Variants in SLC17A4 observed in about 807,000 individuals in gnomAD.
SLC17A4 encodes solute carrier family 17 member 4.
In SLC17A4, 33 loss-of-function variants were observed where a neutral mutation model predicts 52.5. That is an observed-to-expected ratio of 0.63 (90% confidence interval 0.48 to 0.84). The LOEUF is 0.84. Ranked by LOEUF, SLC17A4 falls within the 40% of genes least tolerant of loss-of-function variation. SLC17A4 has a pLI of 0.00. For synonymous variants in SLC17A4, 225 were observed against 216.2 expected (o/e 1.04, Z -0.36); for missense variants, 585 against 597.1 (o/e 0.98, Z 0.21).
In SLC17A4 at chr6:25,773,553, T is replaced by A; in HGVS notation, c.866T>A (p.Ile289Asn). 6.2e-7 allele frequency: 1 copy of A among 1,613,988 alleles called. No individual in the cohort carries two copies. The highest frequency in any genetic ancestry group is 8.5e-7 in the Non-Finnish European group (1 of 1,179,916). ...PGWSLPIRAM[I>N]KSLPLWAILV... is the part of the protein sequence containing the mutation. Reference sequence around the variant, plus strand: ...TGGTCTCTTCCCATTAGGGCTATGATCAAATCCTTACCACTCTGGGCCATT... The same window carrying A: ...TGGTCTCTTCCCATTAGGGCTATGAACAAATCCTTACCACTCTGGGCCATT... Residue 289 changes from isoleucine to asparagine, a missense_variant, in exon 8 of 12, where the codon ATC (isoleucine) becomes AAC (asparagine). Ile to Asn is a moderately radical substitution (Grantham distance 149, BLOSUM62 -3). Coordinates refer to ENST00000377905, the MANE Select transcript of SLC17A4 (RefSeq NM_005495.3).
intron 1 of SLC17A4, among the ~76,000 whole-genome samples, chr6:25,757,424 T>C (rs1288412634): frequency 6.6e-6 from 1 of 152,130 alleles, no homozygotes; most frequent in Non-Finnish European, 1.5e-5. Flanking sequence ...CTCTGATCAT[T>C]GTCAGTAGTA....
intron 2 of SLC17A4, among the ~76,000 whole-genome samples, chr6:25,764,367 C>T (rs1761823694): frequency 6.6e-6 from 1 of 152,142 alleles, no homozygotes; most frequent in African/African-American, 2.4e-5. Flanking sequence ...ATATACTGCC[C>T]CCCACCATGG....
chr6:25,778,197 G>A (rs759903993), intron 11 of SLC17A4, among the ~76,000 whole-genome samples, 181 bp downstream of exon 11: 2 of 151,744 alleles, frequency 1.3e-5, no homozygotes, highest in East Asian at 1.9e-4. Flanking sequence ...GAATCTTACT[G>A]GTATAAACTT....
intron 2 of SLC17A4, 98 bp from the exon 3 acceptor site, chr6:25,768,887 G>T: frequency 1.8e-6 from 2 of 1,108,586 alleles, no homozygotes; most frequent in Non-Finnish European, 1.3e-6. Flanking sequence ...CTATATTTCT[G>T]CATCTCAGAC....
intron 2 of SLC17A4, among the ~76,000 whole-genome samples, chr6:25,768,738 C>T (rs999178511): frequency 9.2e-5 from 14 of 152,256 alleles, no homozygotes; most frequent in Admixed American, 2.6e-4. Flanking sequence ...GCCTAAAAAG[C>T]TCTCCCCTAA....
In SLC17A4 at chr6:25,769,145, C is replaced by T; in HGVS notation, c.252C>T (p.Asp84=). ...CTTCCACAGAACGGCCCTCCACTGA[C>T]TCCCAGGGCTACTGGAATGAAACTC... ...PNASTERPST[D]SQGYWNETLK... is the part of the protein sequence containing the mutation. Residue 84 remains aspartate, a synonymous_variant, in exon 3 of 12, where the codon GAC becomes GAT. Transcript: ENST00000377905. 1 of 1,614,072 alleles carries T rather than the reference C, an allele frequency of 6.2e-7. No individual in the cohort carries two copies. Among genetic ancestry groups the T allele is most frequent in the South Asian group, 1.1e-5 (1 of 91,078 alleles).
At chr6:25,766,814 C>A (rs1320577095) in intron 2 of SLC17A4, among the ~76,000 whole-genome samples, 1 of 152,118 alleles carries the variant, frequency 6.6e-6, no homozygotes, top group Non-Finnish European at 1.5e-5. Flanking sequence ...ATTTAGAATA[C>A]ATTTTAGAAA....
At chr6:25,769,919 T>G in intron 3 of SLC17A4, 148 bp from the exon 4 acceptor site, 1 of 702,088 alleles carries the variant, frequency 1.4e-6, no homozygotes, top group Non-Finnish European at 2.4e-6. Context: ...ATTTAGGGTT[T>G]TTAAATACAT....
chr6:25,775,602 A>AT (rs1309934700), intron 8 of SLC17A4, among the ~76,000 whole-genome samples: 1 of 151,700 alleles, frequency 6.6e-6, no homozygotes, highest in Non-Finnish European at 1.5e-5. Context: ...TGCCTGGCTA[A>AT]TTTTTTGTGG....
At position 25,761,910 on chromosome 6, in the gene SLC17A4, T is replaced by C; in HGVS notation, c.-36-17T>C. 1 of 1,438,590 alleles carries C rather than the reference T, an allele frequency of 7.0e-7. No homozygotes were observed. The highest frequency in any genetic ancestry group is 9.7e-7 in the Non-Finnish European group (1 of 1,029,270). The allele number at this position is 1,438,590 out of a possible 1,614,324, so 89.1% of individuals were successfully genotyped here. ...AAGATTCTCCCTGTATTTTCTTTTGTATTCTTTTTATTTCAGTAAGTAAAT... is the reference window on the plus strand; with the variant it reads ...AAGATTCTCCCTGTATTTTCTTTTGCATTCTTTTTATTTCAGTAAGTAAAT... On this transcript the variant is annotated splice_polypyrimidine_tract_variant and intron_variant, in intron 1 of 11. Coordinates refer to ENST00000377905, the MANE Select transcript of SLC17A4 (RefSeq NM_005495.3).
intron 5 of SLC17A4, 137 bp from the exon 6 acceptor site, chr6:25,770,789 G>C: frequency 2.8e-6 from 2 of 716,478 alleles, no homozygotes; most frequent in Non-Finnish European, 4.9e-6. Flanking sequence ...AGATCACATA[G>C]TTACCAAGTG....
At chr6:25,757,437 A>G (rs1378534334) in intron 1 of SLC17A4, among the ~76,000 whole-genome samples, 1 of 152,004 alleles carries the variant, frequency 6.6e-6, no homozygotes, top group Non-Finnish European at 1.5e-5. Flanking sequence ...CAGTAGTAAT[A>G]GATTTATTGC....
Position 25,776,639 on chromosome 6 carries a change from C to T in SLC17A4, c.1032C>T (p.Cys344=), listed in dbSNP as rs1762946678. The stretch of plus-strand genomic sequence containing the variant: ...TGCCGTTTGTTGTTGGATGTATCTG[C>T]ATTATCCTTGGAGGTCTACTGGCAG... ...SALPFVVGCI[C]IILGGLLADF... is the part of the protein sequence containing the mutation. Residue 344 remains cysteine (C), a synonymous_variant, in exon 9 of 12, where the codon TGC becomes TGT. Coordinates refer to ENST00000377905, the MANE Select transcript of SLC17A4 (RefSeq NM_005495.3). 1 of 1,613,374 alleles carries T rather than the reference C, an allele frequency of 6.2e-7. No individual in the cohort carries two copies. Among genetic ancestry groups the T allele is most frequent in the Non-Finnish European group, 8.5e-7 (1 of 1,179,674 alleles).
At chr6:25,769,319 A>G in intron 3 of SLC17A4, 129 bp downstream of exon 3, 4 of 873,008 alleles carry the variant, frequency 4.6e-6, no homozygotes, top group Non-Finnish European at 5.2e-6. Context: ...GAATGGCACA[A>G]GTACCTAAGT....
intron 9 of SLC17A4, 25 bp downstream of exon 9, chr6:25,776,752 G>A (rs1220104219): frequency 6.2e-7 from 1 of 1,613,824 alleles, no homozygotes; most frequent in Non-Finnish European, 8.5e-7. Context: ...GGACACAGGG[G>A]TGAACGTGGG....
chr6:25,763,405 A>G (rs1490921364), intron 2 of SLC17A4, among the ~76,000 whole-genome samples: 1 of 152,244 alleles, frequency 6.6e-6, no homozygotes, highest in Admixed American at 6.5e-5. Flanking sequence ...AGTATTTCTC[A>G]CAAATGCTTA....
In SLC17A4 at chr6:25,773,343, T is replaced by C; in HGVS notation, c.775T>C (p.Phe259Leu). ...TTATGATGATCCTGTGAATCATCCC[T>C]TTATCAGTGCTGGTGAGAAGAGATA... is the stretch of plus-strand genomic sequence containing the variant. ...LIYDDPVNHP[F>L]ISAGEKRYIV... The change falls in exon 7 of 12, where the codon TTT (phenylalanine) becomes CTT (leucine). Residue 259 changes from phenylalanine to leucine, a missense_variant. Physicochemically the swap from Phe to Leu is conservative, Grantham distance 22. Coordinates refer to ENST00000377905, the MANE Select transcript of SLC17A4 (RefSeq NM_005495.3). 6.2e-7 allele frequency: 1 copy of C among 1,614,020 alleles called. No homozygotes were observed. Among genetic ancestry groups the C allele is most frequent in the African/African-American group, 1.3e-5 (1 of 75,048 alleles).
At position 25,773,672 on chromosome 6, in the gene SLC17A4, G is replaced by A; in HGVS notation, c.985G>A (p.Asp329Asn). The A allele has an allele frequency of 6.2e-7, 1 of 1,613,160 alleles. No individual in the cohort carries two copies. The highest frequency in any genetic ancestry group is 8.5e-7 in the Non-Finnish European group (1 of 1,179,500). ...ISSVLQANLRDSGILSALPFV... is the reference protein window; with the variant it reads ...ISSVLQANLRNSGILSALPFV... ...CTCGGTACTTCAAGCCAACCTCAGA[G>A]ATGTAAGTACAGAGAAAGCTCATTC... Residue 329 changes from aspartate (D) to asparagine (N), a missense_variant and splice_region_variant, in exon 8 of 12, where the codon GAT becomes AAT. By Grantham distance (23) the Asp-to-Asn change is conservative. Transcript: ENST00000377905.
chr6:25,778,224 T>C (rs1763096881), intron 11 of SLC17A4, among the ~76,000 whole-genome samples: 1 of 152,012 alleles, frequency 6.6e-6, no homozygotes, highest in Non-Finnish European at 1.5e-5. Flanking sequence ...AATAAAGAAG[T>C]ATGTGGCATT....
Sources: allele counts gnomAD v4.1 joint callset (sites outside exome capture counted in the v4.1 genomes callset), GRCh38; gene constraint gnomAD v4.1.1; transcripts MANE v1.5; gene names NCBI Gene and HGNC (gene_info 2026-07-23, HGNC 2026-07-21).